The following UBE4B variants were observed in gnomAD, a reference collection of about 807,000 sequenced individuals.
UBE4B encodes ubiquitin conjugation factor E4 B.
UBE4B carries 27 observed loss-of-function variants against 148.1 expected under a neutral mutation model. The ratio of observed to expected loss-of-function variants is 0.18; its 90% CI spans 0.13 to 0.25. UBE4B has a LOEUF of 0.25. UBE4B is among the 10% of genes least tolerant of loss of function. The pLI, the probability that UBE4B is intolerant of heterozygous loss-of-function variation, is 1.00. For missense variants in UBE4B, 1,170 were observed against 1,662.4 expected, an observed-to-expected ratio of 0.70 and a Z score of 5.15; for synonymous variants, 596 against 619.3, an observed-to-expected ratio of 0.96 and a Z score of 0.56.
chr1:10,133,735 A>AC lies in UBE4B; in HGVS notation c.2026-1249dup, dbSNP rs373673234. 8.7e-4 allele frequency among the ~76,000 whole-genome samples: 132 copies of AC among 151,716 alleles called. 1 individual carries two copies. The highest frequency in any genetic ancestry group is 2.9e-3 in the African/African-American group (119 of 41,344). ...AGACCAGCCCTGGCGACATAATGAG[A>AC]CCCCATCTCTACAAAATATACAAAA... On this transcript the variant is annotated intron_variant, in intron 15 of 27. Transcript: ENST00000343090.
chr1:10,066,669 G>A (rs1471725266), intron 1 of UBE4B, among the ~76,000 whole-genome samples: 1 of 152,088 alleles, frequency 6.6e-6, no homozygotes, highest in African/African-American at 2.4e-5. Flanking sequence ...ACTTTGGGAG[G>A]CTGAGGCAGG....
chr1:10,157,370 G>A (rs565222424), intron 21 of UBE4B, among the ~76,000 whole-genome samples: 128 of 151,684 alleles, frequency 8.4e-4, no homozygotes, highest in Admixed American at 1.4e-3. Flanking sequence ...CCAGCTACTT[G>A]GGATGCTGAG....
chr1:10,097,665 C>T (rs1407929496), intron 3 of UBE4B, among the ~76,000 whole-genome samples: 5 of 151,970 alleles, frequency 3.3e-5, no homozygotes, highest in East Asian at 1.9e-4. Flanking sequence ...CAAAAATTAG[C>T]GGGGCATGGT....
Position 10,114,079 on chromosome 1 carries a change from GAA to G in UBE4B, c.1197-3366_1197-3365del, listed in dbSNP as rs1175645933. ...GACTCCGTCTCAAAAAAAAAAAAAA[GAA>G]AAAAAAAAAAAAAGATGCGTTTCTT... On this transcript the variant is annotated intron_variant, in intron 7 of 27. Coordinates refer to ENST00000343090, the MANE Select transcript of UBE4B (RefSeq NM_001105562.3). 9.0e-3 allele frequency among the ~76,000 whole-genome samples: 1,006 copies of G among 111,864 alleles called. 16 individuals are homozygous for G. The highest frequency in any genetic ancestry group is 0.031 in the African/African-American group (956 of 30,958). 73.4% of individuals were successfully genotyped at this position (111,864 alleles called of 152,430 possible). A position where few individuals can be genotyped will look rare whatever the true frequency, so the allele number is the denominator to read the frequency against.
At chr1:10,118,993 C>T (rs1033501388) in intron 8 of UBE4B, among the ~76,000 whole-genome samples, 1 of 150,064 alleles carries the variant, frequency 6.7e-6, no homozygotes, top group Non-Finnish European at 1.5e-5. Context: ...AGTGATTCCC[C>T]TGCCTCAGCC....
At chr1:10,133,316 C>T (rs1645626625) in intron 15 of UBE4B, among the ~76,000 whole-genome samples, 2 of 152,144 alleles carry the variant, frequency 1.3e-5, no homozygotes, top group Non-Finnish European at 2.9e-5. Context: ...TTACTAACTG[C>T]GGGACCTTAG....
At chr1:10,093,335 A>G (rs1027313884) in intron 2 of UBE4B, among the ~76,000 whole-genome samples, 1 of 152,160 alleles carries the variant, frequency 6.6e-6, no homozygotes, top group Non-Finnish European at 1.5e-5. Flanking sequence ...TTCAGGGCTT[A>G]CTTTGGGTTA....
intron 1 of UBE4B, among the ~76,000 whole-genome samples, chr1:10,055,765 C>T (rs1421384878): frequency 6.6e-6 from 1 of 152,040 alleles, no homozygotes; most frequent in Non-Finnish European, 1.5e-5. Context: ...ACTAAAAATA[C>T]AAAAATTAGC....
intron 7 of UBE4B, among the ~76,000 whole-genome samples, chr1:10,111,881 C>T (rs549909828): frequency 6.6e-5 from 10 of 151,676 alleles, no homozygotes; most frequent in African/African-American, 1.5e-4. Context: ...CACTTGAATC[C>T]GGGAGGCAGA....
At chr1:10,091,013 C>T (rs1465153569) in intron 2 of UBE4B, among the ~76,000 whole-genome samples, 8 of 152,220 alleles carry the variant, frequency 5.3e-5, no homozygotes, top group African/African-American at 1.9e-4. Context: ...CTTTAGCAAA[C>T]TCTTCTCAGT....
chr1:10,142,389 T>G (rs1231071154), intron 17 of UBE4B, among the ~76,000 whole-genome samples: 2 of 152,136 alleles, frequency 1.3e-5, no homozygotes, highest in Non-Finnish European at 2.9e-5. Context: ...AGTCCTAAAA[T>G]CGGCCCAGCG....
At chr1:10,175,447 C>T (rs113102667) in intron 25 of UBE4B, among the ~76,000 whole-genome samples, 2,831 of 151,450 alleles carry the variant, frequency 0.019, 75 homozygotes, top group African/African-American at 0.058. Context: ...GTCAGGAGAT[C>T]GAGACCGTCC....
intron 3 of UBE4B, among the ~76,000 whole-genome samples, chr1:10,098,098 T>G (rs1242288451): frequency 6.6e-6 from 1 of 152,090 alleles, no homozygotes; most frequent in Non-Finnish European, 1.5e-5. Context: ...CTAAAACTCC[T>G]GACTTCAAGT....
At chr1:10,098,726 G>A (rs893318720) in intron 3 of UBE4B, among the ~76,000 whole-genome samples, 5 of 152,132 alleles carry the variant, frequency 3.3e-5, no homozygotes, top group Admixed American at 1.3e-4. Context: ...GAGTGTATGT[G>A]TTACTACAGT....
At chr1:10,134,062 G>A (rs1014930646) in intron 15 of UBE4B, among the ~76,000 whole-genome samples, 18 of 135,572 alleles carry the variant, frequency 1.3e-4, no homozygotes, top group East Asian at 7.0e-4. Context: ...AAAAAAAAAA[G>A]AAAGAAAGAA....
intron 1 of UBE4B, chr1:10,054,447 A>G (rs367841509): frequency 7.6e-6 from 3 of 395,842 alleles, no homozygotes; most frequent in African/African-American, 4.2e-5. Flanking sequence ...CTCTTATGCC[A>G]TGAATTCATA....
chr1:10,110,167 T>C (rs1254757197), intron 7 of UBE4B, among the ~76,000 whole-genome samples: 2 of 152,224 alleles, frequency 1.3e-5, no homozygotes, highest in Non-Finnish European at 2.9e-5. Context: ...GTTGGATCGC[T>C]CTCTCCATCT....
At chr1:10,069,178 A>C (rs1644442474) in intron 1 of UBE4B, among the ~76,000 whole-genome samples, 1 of 152,208 alleles carries the variant, frequency 6.6e-6, no homozygotes, top group Non-Finnish European at 1.5e-5. Context: ...TGAACTTGGC[A>C]TTGAGGTTTA....
chr1:10,101,165 T>C lies in UBE4B; in HGVS notation c.405T>C (p.Asp135=). 2 of 1,614,176 alleles carry C rather than the reference T, an allele frequency of 1.2e-6. No homozygotes were observed. The highest frequency in any genetic ancestry group is 1.7e-6 in the Non-Finnish European group (2 of 1,180,026). ...AAAACATGGAGGTTGATGAAAATGATCGAAGAGAAAAGCGGAGCCTCAGTG... is the reference window on the plus strand; with the variant it reads ...AAAACATGGAGGTTGATGAAAATGACCGAAGAGAAAAGCGGAGCCTCAGTG... The part of the protein sequence containing the change: ...GIENMEVDEN[D]RREKRSLSDK... Residue 135 remains aspartate (D), a synonymous_variant, in exon 4 of 28, where the codon GAT becomes GAC. Coordinates refer to ENST00000343090, the MANE Select transcript of UBE4B (RefSeq NM_001105562.3).
Sources: gnomAD v4.1 joint callset for allele counts (sites outside exome capture counted in the v4.1 genomes callset) on GRCh38, gnomAD v4.1.1 for gene constraint, MANE v1.5 for transcripts, NCBI Gene and HGNC (gene_info 2026-07-23, HGNC 2026-07-21) for gene names.